The following ZNF407 variants were observed in gnomAD, a reference collection of about 807,000 sequenced individuals.
ZNF407 encodes the protein zinc finger protein 407.
In ZNF407, 17 loss-of-function variants were observed where a neutral mutation model predicts 131.2. The observed-to-expected ratio is 0.13, with a 90% CI of 0.09 to 0.19. The LOEUF (loss-of-function observed/expected upper bound fraction) is 0.19, where lower values mean the gene tolerates loss of function less well. ZNF407 is among the 10% of genes least tolerant of loss of function. ZNF407 has a pLI of 1.00. For synonymous variants in ZNF407, 1,156 were observed against 1,062.0 expected (o/e 1.09, Z -1.72); for missense variants, 2,681 against 2,830.6 (o/e 0.95, Z 1.20).
chr18:74,928,125 A>G (rs909363460), intron 8 of ZNF407, among the ~76,000 whole-genome samples: 4 of 152,132 alleles, frequency 2.6e-5, no homozygotes, highest in African/African-American at 7.2e-5. Flanking sequence ...CTTGGTTTAT[A>G]TATTTTAGGG....
intron 8 of ZNF407, among the ~76,000 whole-genome samples, chr18:75,001,704 T>G (rs1305249038): frequency 6.6e-6 from 1 of 152,206 alleles, no homozygotes; most frequent in Non-Finnish European, 1.5e-5. Flanking sequence ...AGGAGAGACA[T>G]TAGCAGTAGC....
In ZNF407 at chr18:74,789,994, G is replaced by A. The variant is rs190103535; in HGVS notation, c.4877+8492G>A. On this transcript the variant is annotated intron_variant, in intron 4 of 8. Coordinates refer to ENST00000299687, the MANE Select transcript of ZNF407 (RefSeq NM_017757.3). ...TCTGATGCCCTGGCCACTGTCTTCT[G>A]TGAGTCCTTTTCTTGTTTACTGTAT... Among the ~76,000 whole-genome samples the A allele has an allele frequency of 2.6e-5, 4 of 151,800 alleles. No individual in the cohort carries two copies. In the East Asian group the frequency reaches 7.8e-4, roughly 30 times the overall value.
At chr18:74,790,718 T>A (rs1331538980) in intron 4 of ZNF407, among the ~76,000 whole-genome samples, 8 of 152,212 alleles carry the variant, frequency 5.3e-5, no homozygotes, top group Admixed American at 4.6e-4. Flanking sequence ...CCAACTTGGA[T>A]ACAGTTTCAT....
At chr18:74,791,862 A>G (rs970690921) in intron 4 of ZNF407, among the ~76,000 whole-genome samples, 2 of 152,206 alleles carry the variant, frequency 1.3e-5, no homozygotes, top group Non-Finnish European at 2.9e-5. Flanking sequence ...ACACTCAGTA[A>G]GTACTGCTAG....
chr18:75,024,145 A>G (rs73971349), intron 8 of ZNF407, among the ~76,000 whole-genome samples: 4,127 of 152,296 alleles, frequency 0.027, 87 homozygotes, highest in African/African-American at 0.053. Flanking sequence ...AAGTTAGGCT[A>G]TTTGGAGGAT....
intron 3 of ZNF407, among the ~76,000 whole-genome samples, chr18:74,652,596 A>T: frequency 6.6e-6 from 1 of 152,004 alleles, no homozygotes; most frequent in East Asian, 1.9e-4. Context: ...ATGTTACTCT[A>T]ACACTTCTAC....
At chr18:74,892,948 T>C (rs1971405583) in intron 7 of ZNF407, among the ~76,000 whole-genome samples, 1 of 152,094 alleles carries the variant, frequency 6.6e-6, no homozygotes, top group Non-Finnish European at 1.5e-5. Flanking sequence ...ACTGGAAAGG[T>C]TGTGATTTTT....
At chr18:75,006,946 A>T (rs1265187026) in intron 8 of ZNF407, among the ~76,000 whole-genome samples, 1 of 152,050 alleles carries the variant, frequency 6.6e-6, no homozygotes, top group Non-Finnish European at 1.5e-5. Context: ...AACTTTATCT[A>T]GAATGCTTTT....
intron 4 of ZNF407, among the ~76,000 whole-genome samples, chr18:74,818,896 A>C (rs1039738947): frequency 6.6e-6 from 1 of 151,434 alleles, no homozygotes; most frequent in Non-Finnish European, 1.5e-5. Context: ...ACATGAATAA[A>C]GACTAAAGCA....
intron 4 of ZNF407, among the ~76,000 whole-genome samples, chr18:74,811,920 T>C (rs950714168): frequency 2.0e-5 from 3 of 151,324 alleles, no homozygotes; most frequent in African/African-American, 7.3e-5. Flanking sequence ...TTAGGAGATA[T>C]ACCTAATGCT....
At chr18:74,879,397 C>T (rs1237627833) in intron 5 of ZNF407, among the ~76,000 whole-genome samples, 1 of 152,110 alleles carries the variant, frequency 6.6e-6, no homozygotes, top group East Asian at 1.9e-4. Flanking sequence ...GCACAGCAGG[C>T]AGCACCCACG....
chr18:74,819,972 T>A (rs566386284), intron 4 of ZNF407, among the ~76,000 whole-genome samples: 3 of 152,212 alleles, frequency 2.0e-5, no homozygotes, highest in Admixed American at 2.0e-4. Flanking sequence ...AGGTAATTAT[T>A]GAAGGATGAT....
rs781180214 is a variant in ZNF407 at position 74,631,801 on chromosome 18, C to T, written c.782C>T (p.Ala261Val). 15 of 1,613,908 alleles carry T rather than the reference C, an allele frequency of 9.3e-6. No individual in the cohort carries two copies. Among genetic ancestry groups the T allele is most frequent in the African/African-American group, 2.7e-5 (2 of 74,930 alleles). ...FQCSEENLLN[A>V]HYLGKTHLRR... ...TGTTCAGAAGAAAACTTGTTGAATG[C>T]ACATTATCTTGGCAAAACACATCTC... Residue 261 changes from alanine to valine, a missense_variant, in exon 2 of 9, where the codon GCA (alanine) becomes GTA (valine). Physicochemically the swap from Ala to Val is moderately conservative, Grantham distance 64. Transcript: ENST00000299687.
intron 3 of ZNF407, among the ~76,000 whole-genome samples, chr18:74,688,719 C>T (rs1439133877): frequency 6.6e-6 from 1 of 152,120 alleles, no homozygotes; most frequent in Non-Finnish European, 1.5e-5. Context: ...AAGAATGGAT[C>T]ACTTTTTTAA....
Position 74,764,949 on chromosome 18 carries a change from A to G in ZNF407, c.4803-16479A>G, listed in dbSNP as rs188086649. ...AAGTCTTCATTCTCATTATCTTCAC[A>G]TTAAGTAGGCTGAGGAGAAGGAAAG... On this transcript the variant is annotated intron_variant, in intron 3 of 8. Transcript: ENST00000299687. Among the ~76,000 whole-genome samples the G allele has an allele frequency of 5.1e-4, 78 of 152,300 alleles. 1 individual carries two copies. In the East Asian group the frequency reaches 0.012, roughly 24 times the overall value.
At chr18:74,783,008 A>G (rs183115834) in intron 4 of ZNF407, among the ~76,000 whole-genome samples, 3 of 152,312 alleles carry the variant, frequency 2.0e-5, no homozygotes, top group Admixed American at 6.5e-5. Flanking sequence ...AAAGCATACT[A>G]TACTATATTT....
rs934445026 is a variant in ZNF407 at position 74,832,721 on chromosome 18, C to A, written c.4878-44476C>A. On this transcript the variant is annotated intron_variant, in intron 4 of 8. Transcript: ENST00000299687. ...TTTACTTAGGGTAATTTCTTCTAAA[C>A]TTTCATCAATAGTAACAAGTTACTA... 9.9e-5 allele frequency among the ~76,000 whole-genome samples: 15 copies of A among 152,150 alleles called. 1 individual carries two copies. Among genetic ancestry groups the A allele is most frequent in the African/African-American group, 3.6e-4 (15 of 41,422 alleles).
intron 1 of ZNF407, among the ~76,000 whole-genome samples, chr18:74,606,627 C>T (rs1276578815): frequency 2.0e-5 from 3 of 152,144 alleles, no homozygotes; most frequent in Admixed American, 6.5e-5. Flanking sequence ...TATGTGACGA[C>T]ACAGAGCACA....
At chr18:74,685,637 G>A (rs575955769) in intron 3 of ZNF407, among the ~76,000 whole-genome samples, 3 of 152,260 alleles carry the variant, frequency 2.0e-5, no homozygotes, top group African/African-American at 4.8e-5. Flanking sequence ...TCACTCACTC[G>A]GCTGCAGTCA....
Sources: gnomAD v4.1 joint callset for allele counts (sites outside exome capture counted in the v4.1 genomes callset) on GRCh38, gnomAD v4.1.1 for gene constraint, MANE v1.5 for transcripts, NCBI Gene and HGNC (gene_info 2026-07-23, HGNC 2026-07-21) for gene names.